The following LARP4B variants were observed in gnomAD, a reference collection of about 807,000 sequenced individuals.
LARP4B encodes the protein la-related protein 4B.
In LARP4B, 12 loss-of-function variants were observed where a neutral mutation model predicts 89.8. The observed-to-expected ratio is 0.13, with a 90% CI of 0.09 to 0.22. LARP4B has a LOEUF of 0.22. Among genes scored for constraint, LARP4B ranks in the 10% least tolerant of loss-of-function variants. The probability of loss-of-function intolerance (pLI) is 1.00; values close to 1 mark genes in which losing one functional copy is unlikely to be tolerated. For synonymous variants in LARP4B, 367 were observed against 363.3 expected, an observed-to-expected ratio of 1.01 and a Z score of -0.12; for missense variants, 757 against 947.7, an observed-to-expected ratio of 0.80 and a Z score of 2.64.
At chr10:969,704 G>T in the LARP4B span, among the ~76,000 whole-genome samples, 6 of 152,056 alleles carry the variant, frequency 3.9e-5, no homozygotes, top group Admixed American at 3.9e-4. Flanking sequence ...ACTCCAGCCG[G>T]AACAGCACAG....
the LARP4B span, chr10:972,750 G>C: frequency 2.2e-6 from 1 of 456,912 alleles, no homozygotes; most frequent in Non-Finnish European, 4.4e-6. Context: ...AATGACATAA[G>C]GCAGAGAAAA....
chr10:863,877 T>G lies in LARP4B; in HGVS notation c.296A>C (p.Asp99Ala). The change falls in exon 5 of 18, where the codon GAT becomes GCT. Residue 99 changes from aspartate (D) to alanine (A), a missense_variant. Physicochemically the swap from Asp to Ala is moderately radical, Grantham distance 126. This residue lies in a region of LARP4B where 175 missense variants were observed against 187.0 expected (regional missense o/e 0.94). Coordinates refer to ENST00000316157, the MANE Select transcript of LARP4B (RefSeq NM_015155.3). ...HHADRGPQGS[D>A]ANGDGDQGHE... Reference sequence around the variant, plus strand: ...GCCCTGGTCACCATCACCATTGGCATCCGATCCTACAATTAGGAGTTTACC... The same window carrying G: ...GCCCTGGTCACCATCACCATTGGCAGCCGATCCTACAATTAGGAGTTTACC... 6.2e-7 allele frequency: 1 copy of G among 1,610,406 alleles called. No homozygotes were observed. The highest frequency in any genetic ancestry group is 8.5e-7 in the Non-Finnish European group (1 of 1,179,168).
At chr10:815,200 T>C in intron 15 of LARP4B, 130 bp from the exon 16 acceptor site, 6 of 1,110,722 alleles carry the variant, frequency 5.4e-6, no homozygotes, top group Non-Finnish European at 7.3e-6. Context: ...GAGGGTCTTC[T>C]CCAGCAAAAA....
intron 7 of LARP4B, among the ~76,000 whole-genome samples, chr10:842,627 TTTTTA>T (rs1833579345): frequency 6.6e-6 from 1 of 152,240 alleles, no homozygotes; most frequent in Admixed American, 6.5e-5. Context: ...ATAAATGTTA[TTTTTA>T]TTTTGTTTTT....
chr10:956,360 T>C, the LARP4B span, among the ~76,000 whole-genome samples: 2 of 152,030 alleles, frequency 1.3e-5, no homozygotes, highest in African/African-American at 2.4e-5. This position sits in a 1 kb window ranked among gnomAD's most constrained non-coding sequence, Gnocchi z 4.3. Context: ...TTTTTCTTTT[T>C]TTTGAGACAG....
At chr10:905,815 T>C (rs1240085698) in intron 1 of LARP4B, among the ~76,000 whole-genome samples, 1 of 152,124 alleles carries the variant, frequency 6.6e-6, no homozygotes, top group Non-Finnish European at 1.5e-5. Context: ...CAGAAAACTT[T>C]CCTTCTACAA....
chr10:981,586 T>G, the LARP4B span, among the ~76,000 whole-genome samples: 2 of 152,188 alleles, frequency 1.3e-5, no homozygotes, highest in Non-Finnish European at 2.9e-5. Context: ...CGTTTTGTTT[T>G]TTGAGATGGA....
intron 13 of LARP4B, among the ~76,000 whole-genome samples, chr10:824,018 T>C (rs1832490050): frequency 6.6e-6 from 1 of 152,230 alleles, no homozygotes. Context: ...GAATTCTCAC[T>C]GCACAGAGGG....
At chr10:984,754 C>T in the LARP4B span, among the ~76,000 whole-genome samples, 1 of 152,068 alleles carries the variant, frequency 6.6e-6, no homozygotes, top group Admixed American at 6.6e-5. Flanking sequence ...GAAATCTCCC[C>T]TCTACTAAAA....
At chr10:959,023 C>A in the LARP4B span, among the ~76,000 whole-genome samples, 3 of 152,160 alleles carry the variant, frequency 2.0e-5, no homozygotes, top group African/African-American at 7.2e-5. Context: ...AAGGACGCTC[C>A]GCCTGAGGTC....
chr10:943,222 C>T, the LARP4B span, among the ~76,000 whole-genome samples: 1 of 152,156 alleles, frequency 6.6e-6, no homozygotes, highest in South Asian at 2.1e-4. Flanking sequence ...GCTGGGATTA[C>T]AGGCATGAGC....
chr10:857,784 T>G (rs937064074), intron 5 of LARP4B, among the ~76,000 whole-genome samples: 2 of 152,176 alleles, frequency 1.3e-5, no homozygotes, highest in Non-Finnish European at 2.9e-5. Context: ...ATCTTTGGAA[T>G]TGCTTCTTCT....
chr10:928,691 C>G (rs1162308717), intron 1 of LARP4B, among the ~76,000 whole-genome samples: 1 of 152,176 alleles, frequency 6.6e-6, no homozygotes, highest in Admixed American at 6.5e-5. Context: ...AAGCGATCTT[C>G]CCACTTCAGC....
At chr10:905,656 GGGAGGGGAGGAGCTGAGGA>G (rs1263767492) in intron 1 of LARP4B, among the ~76,000 whole-genome samples, 1 of 149,912 alleles carries the variant, frequency 6.7e-6, no homozygotes, top group African/African-American at 2.4e-5. Flanking sequence ...AGTGAACGTG[GGGAGGGGAGGAGCTGAGGA>G]GCAAGGGAGG....
intron 7 of LARP4B, among the ~76,000 whole-genome samples, chr10:842,057 G>A (rs752178602): frequency 5.9e-5 from 9 of 151,856 alleles, no homozygotes; most frequent in Admixed American, 2.0e-4. Flanking sequence ...TGTGAGTATA[G>A]GCAGTGGACT....
intron 1 of LARP4B, among the ~76,000 whole-genome samples, chr10:887,194 ATGAG>A (rs1286443153): frequency 6.6e-6 from 1 of 152,154 alleles, no homozygotes; most frequent in Admixed American, 6.6e-5. Context: ...GATATTTTGG[ATGAG>A]TAAGTCTAGA....
chr10:851,561 T>C (rs1834052224), intron 5 of LARP4B, among the ~76,000 whole-genome samples: 1 of 152,110 alleles, frequency 6.6e-6, no homozygotes, highest in South Asian at 2.1e-4. Context: ...AAGACACAAA[T>C]TACCAATAAC....
Position 864,185 on chromosome 10 carries a change from G to C in LARP4B, c.227C>G (p.Ala76Gly). ...CTCCCATGCAGCACTCACACCGTCA[G>C]CAGCACTGCTTGCTTCCAGATGTAA... ...PVLHLEASSA[A>G]DGVSAAWEEV... The change falls in exon 4 of 18, where the codon GCT becomes GGT. Residue 76 changes from alanine to glycine, a missense_variant. Ala to Gly is a moderately conservative substitution (Grantham distance 60). Coordinates refer to ENST00000316157, the MANE Select transcript of LARP4B (RefSeq NM_015155.3). The C allele has an allele frequency of 6.2e-7, 1 of 1,614,230 alleles. No individual in the cohort carries two copies. The highest frequency in any genetic ancestry group is 8.5e-7 in the Non-Finnish European group (1 of 1,180,040).
intron 6 of LARP4B, among the ~76,000 whole-genome samples, chr10:844,605 T>C (rs1474478242): frequency 2.6e-5 from 4 of 151,864 alleles, no homozygotes; most frequent in Non-Finnish European, 4.4e-5. Flanking sequence ...GAAAGAAAAA[T>C]GATTAAAAAT....
Sources: gnomAD v4.1 joint callset for allele counts (sites outside exome capture counted in the v4.1 genomes callset) on GRCh38, gnomAD v4.1.1 for gene constraint, gnomAD v4.1.1 regional missense constraint, Gnocchi (gnomAD v3.1) non-coding constraint, MANE v1.5 for transcripts, NCBI Gene and HGNC (gene_info 2026-07-23, HGNC 2026-07-21) for gene names.